The following ROBO2 variants were observed in gnomAD, a reference collection of about 807,000 sequenced individuals.
ROBO2 encodes the protein roundabout guidance receptor 2, also known as roundabout homolog 2.
ROBO2 carries 53 observed loss-of-function variants against 160.8 expected under a neutral mutation model. The observed-to-expected ratio is 0.33, with a 90% confidence interval of 0.26 to 0.41. The LOEUF is 0.41. ROBO2 is among the 10% of genes least tolerant of loss of function. The pLI is 1.00. For synonymous variants in ROBO2, 664 were observed against 611.7 expected, an observed-to-expected ratio of 1.09 and a Z score of -1.26; for missense variants, 1,577 against 1,722.4, an observed-to-expected ratio of 0.92 and a Z score of 1.49.
At chr3:76,633,988 A>G (rs933041011) in intron 2 of ROBO2, among the ~76,000 whole-genome samples, 7 of 152,246 alleles carry the variant, frequency 4.6e-5, no homozygotes, top group Non-Finnish European at 7.3e-5. Flanking sequence ...TCATTTTTAA[A>G]TGAGTCATTA....
At chr3:76,147,379 ATTATC>A (rs1258788535) in intron 2 of ROBO2, among the ~76,000 whole-genome samples, 2 of 144,796 alleles carry the variant, frequency 1.4e-5, no homozygotes, top group Non-Finnish European at 3.0e-5. Flanking sequence ...ATCAATATTA[ATTATC>A]TTATTAATTT....
chr3:76,462,279 C>A (rs551403269), intron 2 of ROBO2, among the ~76,000 whole-genome samples: 1 of 152,220 alleles, frequency 6.6e-6, no homozygotes, highest in Admixed American at 6.5e-5. Flanking sequence ...AGTCTTCAGG[C>A]TTACTCACCG....
At chr3:76,394,577 A>G (rs9859516) in intron 2 of ROBO2, among the ~76,000 whole-genome samples, 28,207 of 151,924 alleles carry the variant, frequency 0.19, 3,082 homozygotes, top group African/African-American at 0.3. Flanking sequence ...TTCAACTTTA[A>G]TGAATCTGAC....
chr3:76,398,569 A>G (rs1559881931), intron 2 of ROBO2, among the ~76,000 whole-genome samples: 1 of 151,780 alleles, frequency 6.6e-6, no homozygotes, highest in Non-Finnish European at 1.5e-5. Context: ...TACCAATTCA[A>G]TACGTACCCT....
At chr3:76,207,173 G>A (rs552699401) in intron 2 of ROBO2, among the ~76,000 whole-genome samples, 3 of 152,060 alleles carry the variant, frequency 2.0e-5, no homozygotes, top group Non-Finnish European at 2.9e-5. Context: ...ATAGCTATGC[G>A]ATAAGGTAAT....
intron 2 of ROBO2, among the ~76,000 whole-genome samples, chr3:76,866,079 G>A (rs910842679): frequency 2.0e-5 from 3 of 151,998 alleles, no homozygotes; most frequent in Admixed American, 6.6e-5. Context: ...TGCCTTGAGG[G>A]TGCATGTTTC....
At chr3:76,880,671 C>T (rs1354962681) in intron 2 of ROBO2, among the ~76,000 whole-genome samples, 1 of 152,086 alleles carries the variant, frequency 6.6e-6, no homozygotes, top group African/African-American at 2.4e-5. Flanking sequence ...CAAAATACAA[C>T]TTATGTTCTC....
At chr3:75,961,661 T>C (rs1438916479) in intron 2 of ROBO2, among the ~76,000 whole-genome samples, 1 of 151,662 alleles carries the variant, frequency 6.6e-6, no homozygotes, top group Non-Finnish European at 1.5e-5. Flanking sequence ...TTTGCACATC[T>C]GACTTCCAAA....
chr3:77,410,699 T>TCCTCCTCCTCCTCCTCCTCC (rs1560758742), intron 2 of ROBO2, among the ~76,000 whole-genome samples: 1 of 41,014 alleles, frequency 2.4e-5, no homozygotes, highest in Non-Finnish European at 4.6e-5. Flanking sequence ...CCTCCTCCTC[T>TCCTCCTCCTCCTCCTCCTCC]TCCTCCTCCT....
intron 2 of ROBO2, among the ~76,000 whole-genome samples, chr3:77,130,880 G>A (rs1463557220): frequency 6.6e-6 from 1 of 152,064 alleles, no homozygotes; most frequent in Non-Finnish European, 1.5e-5. Context: ...ATTTATATAT[G>A]AATTATTTTG....
intron 2 of ROBO2, among the ~76,000 whole-genome samples, chr3:77,278,881 A>G (rs2060061094): frequency 6.6e-6 from 1 of 152,132 alleles, no homozygotes; most frequent in Non-Finnish European, 1.5e-5. Context: ...CTCAGACTCT[A>G]AAATTGGCTG....
At chr3:77,491,704 T>C (rs913889695) in intron 4 of ROBO2, among the ~76,000 whole-genome samples, 2 of 152,194 alleles carry the variant, frequency 1.3e-5, no homozygotes. Flanking sequence ...TTTTCTTTAG[T>C]TTTTATGGAT....
At chr3:77,341,543 G>A (rs887899558) in intron 2 of ROBO2, among the ~76,000 whole-genome samples, 1 of 152,186 alleles carries the variant, frequency 6.6e-6, no homozygotes, top group Non-Finnish European at 1.5e-5. Context: ...AACTGGGGAA[G>A]TGGCATTTTG....
chr3:76,491,637 A>T (rs1470001067), intron 2 of ROBO2, among the ~76,000 whole-genome samples: 1 of 152,204 alleles, frequency 6.6e-6, no homozygotes, highest in Non-Finnish European at 1.5e-5. Context: ...TTGAAAAATT[A>T]TACCTATATT....
At chr3:76,853,601 T>G (rs1168313252) in intron 2 of ROBO2, among the ~76,000 whole-genome samples, 4 of 152,140 alleles carry the variant, frequency 2.6e-5, no homozygotes, top group African/African-American at 9.6e-5. Flanking sequence ...ATTATGTTTA[T>G]CAAATATAAA....
chr3:76,649,395 A>G (rs978619116), intron 2 of ROBO2, among the ~76,000 whole-genome samples: 3 of 152,174 alleles, frequency 2.0e-5, no homozygotes, highest in Non-Finnish European at 2.9e-5. Context: ...TATGCTATGG[A>G]AGAATACAGC....
intron 2 of ROBO2, among the ~76,000 whole-genome samples, chr3:76,264,918 G>A (rs1707005071): frequency 6.6e-6 from 1 of 152,094 alleles, no homozygotes; most frequent in South Asian, 2.1e-4. Flanking sequence ...GATACTTAAT[G>A]TCTTCTCTAT....
intron 2 of ROBO2, among the ~76,000 whole-genome samples, chr3:76,283,431 T>A (rs1708349355): frequency 6.6e-6 from 1 of 151,790 alleles, no homozygotes; most frequent in Admixed American, 6.6e-5. Context: ...TCTAGTCATT[T>A]CTTAGGCCCT....
chr3:76,627,331 A>G (rs1215077565), intron 2 of ROBO2, among the ~76,000 whole-genome samples: 1 of 152,190 alleles, frequency 6.6e-6, no homozygotes, highest in African/African-American at 2.4e-5. Context: ...TTCACCTCAA[A>G]GAGCAAATCT....
Sources: gnomAD v4.1 joint callset for allele counts (sites outside exome capture counted in the v4.1 genomes callset) on GRCh38, gnomAD v4.1.1 for gene constraint, MANE v1.5 for transcripts, NCBI Gene and HGNC (gene_info 2026-07-23, HGNC 2026-07-21) for gene names.